KAZN: variants seen among roughly 807,000 people sequenced by gnomAD.
KAZN encodes kazrin.
A neutral mutation model predicts 87.4 loss-of-function variants in KAZN; 40 were observed. The observed-to-expected ratio is 0.46, with a 90% CI of 0.36 to 0.60. The LOEUF is 0.60. Among genes scored for constraint, KAZN ranks in the 20% least tolerant of loss-of-function variants. KAZN has a pLI of 0.00. For missense variants in KAZN, 898 were observed against 1,073.9 expected, an observed-to-expected ratio of 0.84 and a Z score of 2.29; for synonymous variants, 466 against 458.3, an observed-to-expected ratio of 1.02 and a Z score of -0.22.
At chr1:14,749,765 T>C (rs1197115286) in intron 1 of KAZN, among the ~76,000 whole-genome samples, 3 of 152,020 alleles carry the variant, frequency 2.0e-5, no homozygotes, top group African/African-American at 7.3e-5. Flanking sequence ...ATTTCCTGCC[T>C]CTCCTGGGAG....
At chr1:13,959,210 C>T (rs551740007) in intron 1 of KAZN, among the ~76,000 whole-genome samples, 2 of 152,256 alleles carry the variant, frequency 1.3e-5, no homozygotes, top group African/African-American at 4.8e-5. Context: ...AGGATGTAGC[C>T]GAGAAACACT....
intron 1 of KAZN, among the ~76,000 whole-genome samples, chr1:14,788,562 C>T (rs370895513): frequency 4.3e-4 from 66 of 152,168 alleles, no homozygotes; most frequent in African/African-American, 1.5e-3. Context: ...GAGTGATGAG[C>T]CATGAGCTAC....
At position 14,906,082 on chromosome 1, in the gene KAZN, A is replaced by T. The variant is rs1047564908; in HGVS notation, c.227-54602A>T. ...CTCGGGAAGCTGAGGCAGGAAAATC[A>T]CTTGAACCCGGTAGGCGGGGCTTGC... On this transcript the variant is annotated intron_variant, in intron 1 of 14. Transcript: ENST00000376030. 2.9e-4 allele frequency among the ~76,000 whole-genome samples: 44 copies of T among 151,278 alleles called. 2 individuals are homozygous for T. The highest frequency in any genetic ancestry group is 8.8e-5 in the Non-Finnish European group (6 of 67,888).
chr1:14,534,364 G>C (rs989436226), intron 2 of KAZN, among the ~76,000 whole-genome samples: 6 of 152,194 alleles, frequency 3.9e-5, no homozygotes. Flanking sequence ...TGTAGCACTG[G>C]CTGGGTGCAA....
intron 2 of KAZN, among the ~76,000 whole-genome samples, chr1:14,359,697 C>T (rs899827810): frequency 2.0e-5 from 3 of 152,112 alleles, no homozygotes; most frequent in Middle Eastern, 3.2e-3. Flanking sequence ...ACTTATGAAG[C>T]GTCGTTTGGC....
chr1:13,963,759 C>CTGTGTGTGTG lies in KAZN; in HGVS notation c.91+70039_91+70048dup, dbSNP rs70987708. ...AAGGGTTAAATGTTTCTGCTGTGGT[C>CTGTGTGTGTG]TGTGTGTGTGTGTGTGTGTGTGTGT... On this transcript the variant is annotated intron_variant, in intron 1 of 16. Coordinates refer to the KAZN transcript ENST00000636203. 2.9e-4 allele frequency among the ~76,000 whole-genome samples: 41 copies of CTGTGTGTGTG among 142,004 alleles called. 1 individual carries two copies. In the South Asian group the frequency reaches 3.1e-3, roughly 11 times the overall value. 93.2% of individuals were successfully genotyped at this position (142,004 alleles called of 152,430 possible). A position where few individuals can be genotyped will look rare whatever the true frequency, so the allele number is the denominator to read the frequency against.
intron 1 of KAZN, among the ~76,000 whole-genome samples, chr1:14,729,085 G>T (rs1476384817): frequency 6.6e-6 from 1 of 152,134 alleles, no homozygotes; most frequent in Middle Eastern, 3.2e-3. Context: ...AGGCTTTCCT[G>T]CCCGTCTCCT....
intron 2 of KAZN, among the ~76,000 whole-genome samples, chr1:14,203,880 CTGCCATT>C (rs1646689117): frequency 6.6e-6 from 1 of 152,188 alleles, no homozygotes; most frequent in Non-Finnish European, 1.5e-5. Context: ...GTGGTTGCAG[CTGCCATT>C]ATGGTCAGCC....
chr1:14,051,651 G>A (rs1362962391), intron 1 of KAZN, among the ~76,000 whole-genome samples: 1 of 152,086 alleles, frequency 6.6e-6, no homozygotes. Flanking sequence ...AACAGCCTGG[G>A]CAACATGGTG....
intron 2 of KAZN, among the ~76,000 whole-genome samples, chr1:14,416,437 T>C (rs1205279667): frequency 2.0e-5 from 3 of 152,152 alleles, no homozygotes; most frequent in Non-Finnish European, 4.4e-5. Flanking sequence ...TTGATAGTAA[T>C]ATAAAAAATG....
upstream of KAZN, among the ~76,000 whole-genome samples, chr1:14,598,317 C>G (rs917533607): frequency 6.6e-6 from 1 of 152,158 alleles, no homozygotes; most frequent in African/African-American, 2.4e-5. The surrounding 1 kb of genome is among the most constrained non-coding windows in gnomAD (Gnocchi z 4.2). Flanking sequence ...CGTCTCCCTT[C>G]CATGGAGATC....
At chr1:14,673,444 A>T (rs570721756) in intron 1 of KAZN, among the ~76,000 whole-genome samples, 1 of 152,206 alleles carries the variant, frequency 6.6e-6, no homozygotes. Context: ...TTGTTTTGAA[A>T]TGGGAACAAG....
At chr1:14,250,762 G>A (rs1257464644) in intron 2 of KAZN, among the ~76,000 whole-genome samples, 1 of 151,858 alleles carries the variant, frequency 6.6e-6, no homozygotes, top group Non-Finnish European at 1.5e-5. Flanking sequence ...TTTGGGCATG[G>A]TATTTCAACT....
chr1:14,188,194 C>CGTGTGTGTGTGTGTGT (rs3033865), intron 2 of KAZN, among the ~76,000 whole-genome samples: 33 of 140,150 alleles, frequency 2.4e-4, no homozygotes, highest in Admixed American at 7.2e-4. Flanking sequence ...GAGAGAGGAG[C>CGTGTGTGTGTGTGTGT]GTGTGTGTGT....
chr1:14,592,073 G>A (rs1371232913), intron 2 of KAZN, among the ~76,000 whole-genome samples: 11 of 152,138 alleles, frequency 7.2e-5, no homozygotes, highest in Non-Finnish European at 7.3e-5. Context: ...AGCCTTGGCC[G>A]CTCCTGTCTG....
intron 1 of KAZN, among the ~76,000 whole-genome samples, chr1:14,822,189 G>A (rs571416604): frequency 3.0e-4 from 45 of 152,290 alleles, no homozygotes; most frequent in African/African-American, 1.1e-3. Context: ...GGTAACTTGA[G>A]GGGGCACGTC....
intron 11 of KAZN, among the ~76,000 whole-genome samples, chr1:15,102,276 G>T (rs1461663611): frequency 1.3e-5 from 2 of 152,176 alleles, no homozygotes; most frequent in Non-Finnish European, 2.9e-5. Flanking sequence ...ACCCAGAGAA[G>T]TCTTCAGGGG....
chr1:13,957,470 T>G (rs769403762), intron 1 of KAZN, among the ~76,000 whole-genome samples: 15 of 152,142 alleles, frequency 9.9e-5, no homozygotes, highest in Non-Finnish European at 2.2e-4. Context: ...GGTACCCCTG[T>G]GTTTTAGTCC....
intron 1 of KAZN, among the ~76,000 whole-genome samples, chr1:14,716,251 T>A (rs6663124): frequency 0.39 from 59,495 of 151,960 alleles, 11,975 homozygotes; most frequent in East Asian, 0.56. Context: ...AAAATAAGTG[T>A]GTAGGTCATG....
Sources: allele counts gnomAD v4.1 joint callset (sites outside exome capture counted in the v4.1 genomes callset), GRCh38; gene constraint gnomAD v4.1.1; non-coding constraint Gnocchi (gnomAD v3.1); transcripts MANE v1.5; gene names NCBI Gene and HGNC (gene_info 2026-07-23, HGNC 2026-07-21).